CSGALNACT1: variants seen among roughly 807,000 people sequenced by gnomAD.
The protein encoded by CSGALNACT1 is beta4GalNAcT-1.
A neutral mutation model predicts 51.0 loss-of-function variants in CSGALNACT1; 52 were observed. The ratio of observed to expected loss-of-function variants is 1.02; its 90% CI spans 0.82 to 1.29. CSGALNACT1 has a LOEUF of 1.29. Ranked by LOEUF, CSGALNACT1 falls within the 50% of genes most tolerant of loss-of-function variation. The pLI is 0.00. For synonymous variants in CSGALNACT1, 341 were observed against 254.4 expected, an observed-to-expected ratio of 1.34 and a Z score of -3.24; for missense variants, 935 against 679.2, an observed-to-expected ratio of 1.38 and a Z score of -4.19.
chr8:19,523,398 G>C (rs1563887346), intron 3 of CSGALNACT1, among the ~76,000 whole-genome samples: 1 of 152,142 alleles, frequency 6.6e-6, no homozygotes, highest in Non-Finnish European at 1.5e-5. Context: ...TGGAGGAGCA[G>C]GGACTACAGA....
chr8:19,429,755 G>A (rs2059363942), intron 6 of CSGALNACT1, among the ~76,000 whole-genome samples: 1 of 152,210 alleles, frequency 6.6e-6, no homozygotes, highest in Non-Finnish European at 1.5e-5. Context: ...GATCAGAACT[G>A]CTGAGTCAGA....
intron 1 of CSGALNACT1, among the ~76,000 whole-genome samples, chr8:19,746,949 G>A (rs1186319143): frequency 6.6e-6 from 1 of 152,208 alleles, no homozygotes; most frequent in Non-Finnish European, 1.5e-5. Context: ...ACCATCGCTT[G>A]TGGACACCAG....
At chr8:19,508,851 T>C (rs946036783) in intron 3 of CSGALNACT1, among the ~76,000 whole-genome samples, 1 of 152,214 alleles carries the variant, frequency 6.6e-6, no homozygotes, top group African/African-American at 2.4e-5. Context: ...AAAAACTAAA[T>C]CGGTGATTTG....
At chr8:19,510,146 T>C (rs1338572032) in intron 3 of CSGALNACT1, among the ~76,000 whole-genome samples, 1 of 152,204 alleles carries the variant, frequency 6.6e-6, no homozygotes, top group Non-Finnish European at 1.5e-5. Context: ...TGCCTAATAC[T>C]TTCCTATCCC....
intron 3 of CSGALNACT1, among the ~76,000 whole-genome samples, chr8:19,549,558 TGTTCTC>T (rs750097510): frequency 1.1e-4 from 17 of 152,048 alleles, no homozygotes; most frequent in Admixed American, 4.6e-4. Context: ...CAAGACAGCC[TGTTCTC>T]CAGGCCTGAC....
chr8:19,599,453 GA>G lies in CSGALNACT1; in HGVS notation c.-416+2317del, dbSNP rs1308101445. 3.7e-3 allele frequency among the ~76,000 whole-genome samples: 251 copies of G among 68,122 alleles called. 2 individuals are homozygous for G. The highest frequency in any genetic ancestry group is 0.015 in the African/African-American group (238 of 15,554). 44.7% of individuals were successfully genotyped at this position (68,122 alleles called of 152,430 possible). Reference sequence around the variant, plus strand: ...GGAAAGGAAGAAAGAAAAAGAAAAAGAAAAGAAAGAAAGAAAGAAAAAGAAA... The same window carrying G: ...GGAAAGGAAGAAAGAAAAAGAAAAAGAAAGAAAGAAAGAAAGAAAAAGAAA... On this transcript the variant is annotated intron_variant, in intron 2 of 9. Transcript: ENST00000454498.
chr8:19,583,969 T>C (rs2046118745), intron 3 of CSGALNACT1, among the ~76,000 whole-genome samples: 1 of 152,246 alleles, frequency 6.6e-6, no homozygotes. Flanking sequence ...GGCATGTTTA[T>C]GTTGCTCAGT....
intron 1 of CSGALNACT1, among the ~76,000 whole-genome samples, chr8:19,720,923 C>A (rs2063091643): frequency 6.6e-6 from 1 of 152,206 alleles, no homozygotes; most frequent in Non-Finnish European, 1.5e-5. Flanking sequence ...CGGCCCTGTG[C>A]AGAGGCCCTG....
chr8:19,652,660 A>G, intron 1 of CSGALNACT1, among the ~76,000 whole-genome samples: 1 of 152,122 alleles, frequency 6.6e-6, no homozygotes, highest in South Asian at 2.1e-4. Context: ...TCCTCTATTT[A>G]CAGTAGACTT....
chr8:19,558,381 G>T (rs1042814280), intron 3 of CSGALNACT1, among the ~76,000 whole-genome samples: 4 of 152,044 alleles, frequency 2.6e-5, no homozygotes, highest in Non-Finnish European at 4.4e-5. Flanking sequence ...TTGGCTCTTT[G>T]CCCTTCTTAA....
intron 4 of CSGALNACT1, among the ~76,000 whole-genome samples, chr8:19,499,500 G>A (rs74768061): frequency 0.021 from 3,220 of 152,150 alleles, 43 homozygotes; most frequent in Non-Finnish European, 0.034. Context: ...TTTTCCCTGG[G>A]AACTAAACTG....
chr8:19,482,975 T>C (rs190543839), intron 4 of CSGALNACT1, among the ~76,000 whole-genome samples: 87 of 152,262 alleles, frequency 5.7e-4, no homozygotes, highest in African/African-American at 2.0e-3. Flanking sequence ...CTGAGCTTCA[T>C]CCTTCACACC....
intron 3 of CSGALNACT1, among the ~76,000 whole-genome samples, chr8:19,510,617 CA>C (rs2078285996): frequency 6.6e-6 from 1 of 152,108 alleles, no homozygotes; most frequent in Admixed American, 6.6e-5. Flanking sequence ...ATCTGAGCCC[CA>C]AACAGACAAA....
At chr8:19,424,853 C>T (rs143502405) in intron 6 of CSGALNACT1, among the ~76,000 whole-genome samples, 2 of 152,296 alleles carry the variant, frequency 1.3e-5, no homozygotes, top group East Asian at 3.9e-4. Flanking sequence ...CGCACCATGG[C>T]CATGAGGCTG....
intron 7 of CSGALNACT1, among the ~76,000 whole-genome samples, chr8:19,419,701 A>G (rs1310434159): frequency 1.3e-5 from 2 of 152,186 alleles, no homozygotes; most frequent in South Asian, 4.1e-4. Context: ...TCTCCTGGGA[A>G]TGTTCATGAA....
rs1196445493 is a variant in CSGALNACT1 at position 19,740,831 on chromosome 8, G to A, written c.-297+17019C>T. 3.9e-5 allele frequency among the ~76,000 whole-genome samples: 6 copies of A among 152,184 alleles called. No individual in the cohort carries two copies. In the South Asian group the frequency reaches 6.2e-4, roughly 16 times the overall value. On this transcript the variant is annotated intron_variant, in intron 1 of 1. Coordinates refer to the CSGALNACT1 transcript ENST00000517494. ...CACATGTGAAGGGTTTCAAAGGAAT[G>A]TTCTAGATGCTTATGGATAGTTATT...
At chr8:19,620,850 T>C (rs928632154) in intron 1 of CSGALNACT1, among the ~76,000 whole-genome samples, 3 of 152,202 alleles carry the variant, frequency 2.0e-5, no homozygotes, top group Non-Finnish European at 4.4e-5. Context: ...AGTTACCAGA[T>C]GCTCCTTCTC....
At chr8:19,493,195 C>T (rs905106048) in intron 4 of CSGALNACT1, among the ~76,000 whole-genome samples, 2 of 152,160 alleles carry the variant, frequency 1.3e-5, no homozygotes, top group Non-Finnish European at 2.9e-5. Context: ...CAGCCTCCCC[C>T]AACCTTCTAT....
At chr8:19,709,552 A>C (rs1378263049) in intron 1 of CSGALNACT1, among the ~76,000 whole-genome samples, 1 of 152,210 alleles carries the variant, frequency 6.6e-6, no homozygotes, top group Non-Finnish European at 1.5e-5. Flanking sequence ...TGAGAGAATG[A>C]AGTGGTTCCT....
Sources: allele counts gnomAD v4.1 joint callset (sites outside exome capture counted in the v4.1 genomes callset), GRCh38; gene constraint gnomAD v4.1.1; transcripts MANE v1.5; gene names NCBI Gene and HGNC (gene_info 2026-07-23, HGNC 2026-07-21).